HIVEP2: variants seen among roughly 807,000 people sequenced by gnomAD.
HIVEP2 encodes HIVEP zinc finger 2.
HIVEP2 carries 14 observed loss-of-function variants against 180.7 expected under a neutral mutation model. The ratio of observed to expected loss-of-function variants is 0.08; its 90% CI spans 0.05 to 0.12. The LOEUF (loss-of-function observed/expected upper bound fraction) is 0.12. HIVEP2 is among the 10% of genes least tolerant of loss of function. HIVEP2 has a pLI of 1.00. For synonymous variants in HIVEP2, 1,184 were observed against 1,136.4 expected, an observed-to-expected ratio of 1.04 and a Z score of -0.84; for missense variants, 2,579 against 3,008.5, an observed-to-expected ratio of 0.86 and a Z score of 3.34.
intron 6 of HIVEP2, among the ~76,000 whole-genome samples, chr6:142,765,977 A>G (rs1371109722): frequency 6.6e-6 from 1 of 152,182 alleles, no homozygotes; most frequent in African/African-American, 2.4e-5. Flanking sequence ...TTCTTTTCAT[A>G]ACTTCCAAAG....
intron 2 of HIVEP2, among the ~76,000 whole-genome samples, chr6:142,799,008 T>C (rs1040739217): frequency 3.9e-5 from 6 of 152,156 alleles, no homozygotes; most frequent in Non-Finnish European, 8.8e-5. Context: ...TACTTGACTT[T>C]TATTATTTGA....
At chr6:142,924,419 G>C (rs1222971068) in intron 1 of HIVEP2, among the ~76,000 whole-genome samples, 2 of 152,264 alleles carry the variant, frequency 1.3e-5, no homozygotes, top group Admixed American at 6.5e-5. Context: ...CTTTATTTAT[G>C]TAGTTCATTG....
In HIVEP2 at chr6:142,752,582, A is replaced by G. The variant is rs1774948429; in HGVS notation, c.*525T>C. 6.5e-6 allele frequency: 1 copy of G among 153,598 alleles called. No individual in the cohort carries two copies. Among genetic ancestry groups the G allele is most frequent in the Non-Finnish European group, 1.5e-5 (1 of 68,672 alleles). The allele number at this position is 153,598 out of a possible 1,614,324, so 9.5% of individuals were successfully genotyped here. On this transcript the variant is annotated 3_prime_UTR_variant, in exon 10 of 10. Coordinates refer to ENST00000367603, the MANE Select transcript of HIVEP2 (RefSeq NM_006734.4). The stretch of plus-strand genomic sequence containing the variant: ...TGCTTCACATAGAAAAGCAATCCAC[A>G]ACATTAAGAAAAAATGTACAATTTA...
chr6:142,818,113 T>C lies in HIVEP2; in HGVS notation c.-528+18822A>G, dbSNP rs117750988. 3.6e-3 allele frequency among the ~76,000 whole-genome samples: 554 copies of C among 152,204 alleles called. 1 individual carries two copies. Among genetic ancestry groups the C allele is most frequent in the Non-Finnish European group, 5.9e-3 (400 of 68,006 alleles). ...TGCCAGACACAGGTGACAAATTACC[T>C]CATTGTTGCCACCATTTTAGACATG... On this transcript the variant is annotated intron_variant, in intron 2 of 9. Transcript: ENST00000367603.
At chr6:142,876,557 C>G (rs1036237494) in intron 1 of HIVEP2, among the ~76,000 whole-genome samples, 1 of 152,132 alleles carries the variant, frequency 6.6e-6, no homozygotes, top group African/African-American at 2.4e-5. Context: ...GCCATAGGGA[C>G]AGCTCCAAAG....
intron 2 of HIVEP2, among the ~76,000 whole-genome samples, chr6:142,798,455 T>C (rs1202759652): frequency 6.6e-6 from 1 of 152,136 alleles, no homozygotes; most frequent in Non-Finnish European, 1.5e-5. Context: ...AATAGTGTCA[T>C]ACAAATGCTA....
Position 142,760,631 on chromosome 6 carries a change from T to C in HIVEP2, c.5657A>G (p.His1886Arg), listed in dbSNP as rs1206542238. 8 of 1,612,228 alleles carry C rather than the reference T, an allele frequency of 5.0e-6. No homozygotes were observed. Among genetic ancestry groups the C allele is most frequent in the Non-Finnish European group, 6.8e-6 (8 of 1,179,090 alleles). ...LEDLHKAAEK[H>R]SMSSISTDHQ... ...ATCAGTTGAAATGCTGGACATGCTA[T>C]GCTTCTCTGCTGCTTTGTGCAAATC... is the stretch of plus-strand genomic sequence containing the variant. Residue 1886 changes from histidine to arginine, a missense_variant, in exon 9 of 10, where the codon CAT becomes CGT. His to Arg is a conservative substitution (Grantham distance 29). Transcript: ENST00000367603.
At chr6:142,875,303 A>C (rs1020616072) in intron 1 of HIVEP2, among the ~76,000 whole-genome samples, 4 of 152,172 alleles carry the variant, frequency 2.6e-5, no homozygotes, top group African/African-American at 9.7e-5. Context: ...GAACAGAATG[A>C]AGGCCATTAT....
At chr6:142,935,095 GCCCT>G in intron 1 of HIVEP2, among the ~76,000 whole-genome samples, 1 of 152,172 alleles carries the variant, frequency 6.6e-6, no homozygotes, top group African/African-American at 2.4e-5. Context: ...ATTCAAAAAG[GCCCT>G]ATCTGTTCAC....
chr6:142,818,703 G>GAAAGAAAGA (rs1776918530), intron 2 of HIVEP2, among the ~76,000 whole-genome samples: 1 of 68,558 alleles, frequency 1.5e-5, no homozygotes, highest in Non-Finnish European at 2.9e-5. Context: ...AAGAAAGAAA[G>GAAAGAAAGA]AAAGAAAGAA....
intron 1 of HIVEP2, among the ~76,000 whole-genome samples, chr6:142,880,601 A>G (rs909232573): frequency 6.6e-6 from 1 of 152,188 alleles, no homozygotes; most frequent in Admixed American, 6.5e-5. Context: ...ACAGTCTTCC[A>G]TATCCAAGAG....
At chr6:142,851,201 G>T (rs1163236552) in intron 1 of HIVEP2, among the ~76,000 whole-genome samples, 3 of 152,238 alleles carry the variant, frequency 2.0e-5, no homozygotes, top group Non-Finnish European at 4.4e-5. Context: ...AATCAATAAG[G>T]CCTAGTAATA....
intron 9 of HIVEP2, among the ~76,000 whole-genome samples, chr6:142,755,308 G>A (rs1279328596): frequency 5.3e-5 from 8 of 152,096 alleles, no homozygotes; most frequent in East Asian, 1.9e-4. Context: ...GGAATTTTAC[G>A]GTATGAGAAT....
chr6:142,842,917 C>T (rs1402230901), intron 1 of HIVEP2, among the ~76,000 whole-genome samples: 1 of 152,110 alleles, frequency 6.6e-6, no homozygotes, highest in African/African-American at 2.4e-5. Context: ...CACATTTAAA[C>T]ATGATTCATT....
At chr6:142,851,611 A>G (rs1775674730) in intron 1 of HIVEP2, among the ~76,000 whole-genome samples, 1 of 152,246 alleles carries the variant, frequency 6.6e-6, no homozygotes, top group African/African-American at 2.4e-5. Context: ...CTACAGCCTC[A>G]CTGTAAGTGC....
intron 1 of HIVEP2, among the ~76,000 whole-genome samples, chr6:142,926,149 C>G (rs931880092): frequency 6.6e-6 from 1 of 152,118 alleles, no homozygotes; most frequent in African/African-American, 2.4e-5. Context: ...AATTTAACAG[C>G]TTGGGTTAAC....
intron 1 of HIVEP2, among the ~76,000 whole-genome samples, chr6:142,896,572 T>C (rs901531200): frequency 2.0e-5 from 3 of 152,132 alleles, no homozygotes; most frequent in African/African-American, 7.2e-5. Context: ...TCAGAGACAA[T>C]TCCAAGTGTT....
intron 1 of HIVEP2, among the ~76,000 whole-genome samples, chr6:142,856,475 A>G (rs1442342622): frequency 2.6e-5 from 4 of 152,256 alleles, no homozygotes; most frequent in African/African-American, 9.6e-5. Context: ...TGCTACAGAA[A>G]TCAATAGCAG....
At chr6:142,803,189 C>T (rs1582873667) in intron 2 of HIVEP2, among the ~76,000 whole-genome samples, 1 of 152,118 alleles carries the variant, frequency 6.6e-6, no homozygotes, top group East Asian at 1.9e-4. Flanking sequence ...TAACTAAGTG[C>T]ATATGCCAGC....
Sources: allele counts gnomAD v4.1 joint callset (sites outside exome capture counted in the v4.1 genomes callset), GRCh38; gene constraint gnomAD v4.1.1; transcripts MANE v1.5; gene names NCBI Gene and HGNC (gene_info 2026-07-23, HGNC 2026-07-21).